The following DNMT1 variants were observed in gnomAD, a reference collection of about 807,000 sequenced individuals.
DNMT1 encodes DNA methyltransferase 1.
Under a neutral mutation model 205.3 loss-of-function variants are expected in DNMT1, and 24 were observed. That is an observed-to-expected ratio of 0.12 (90% CI 0.08 to 0.16). The LOEUF is 0.16. DNMT1 is among the 10% of genes least tolerant of loss of function. The pLI, the probability that DNMT1 is intolerant of heterozygous loss-of-function variation, is 1.00. For missense variants in DNMT1, 1,293 were observed against 2,177.7 expected, an observed-to-expected ratio of 0.59 and a Z score of 8.09; for synonymous variants, 817 against 839.8, an observed-to-expected ratio of 0.97 and a Z score of 0.47.
At chr19:10,162,932 A>G in intron 12 of DNMT1, 184 bp from the exon 13 acceptor site, 1 of 640,524 alleles carries the variant, frequency 1.6e-6, no homozygotes, top group Non-Finnish European at 2.7e-6. Context: ...GGGTCCCCAC[A>G]CATCTACATC....
At chr19:10,149,739 C>T (rs982114151) in intron 25 of DNMT1, 82 bp from the exon 26 acceptor site, 11 of 1,609,372 alleles carry the variant, frequency 6.8e-6, no homozygotes, top group African/African-American at 1.3e-5. Context: ...GAGCACTCGT[C>T]CTTTTCAGTT....
In DNMT1 at chr19:10,140,273, G is replaced by A. The variant is rs1480931153; in HGVS notation, c.3579C>T (p.Phe1193=). ...IEMWDPAAQA[F]RLNNPGSTVF... The stretch of plus-strand genomic sequence containing the variant: ...CTGTGGAGCCGGGGTTGTTCAGCCG[G>A]AACGCCTGGGCCGCAGGGTCCCACA... The change falls in exon 33 of 41, where the codon TTC becomes TTT. Residue 1193 remains phenylalanine, a synonymous_variant. Transcript: ENST00000359526. The surrounding 1 kb of genome is among the most constrained non-coding windows in gnomAD (Gnocchi z 8.4). 6.2e-7 allele frequency: 1 copy of A among 1,614,004 alleles called. No homozygotes were observed. The highest frequency in any genetic ancestry group is 1.7e-5 in the Admixed American group (1 of 60,016).
At position 10,151,971 on chromosome 19, in the gene DNMT1, C is replaced by A. The variant is rs1210060639; in HGVS notation, c.2020-124G>T. The A allele has an allele frequency of 4.6e-6, 4 of 879,082 alleles. No individual in the cohort carries two copies. The highest frequency in any genetic ancestry group is 7.5e-6 in the Non-Finnish European group (4 of 533,864). 54.5% of individuals were successfully genotyped at this position (879,082 alleles called of 1,614,324 possible). On this transcript the variant is annotated intron_variant, in intron 22 of 40. Transcript: ENST00000359526. The surrounding 1 kb of genome is among the most constrained non-coding windows in gnomAD (Gnocchi z 5.0). Reference sequence around the variant, plus strand: ...GGTCAGGAATTGCAGACCAGCCTGGCCAACGTGGTGAAACCCCATCTCTAC... The same window carrying A: ...GGTCAGGAATTGCAGACCAGCCTGGACAACGTGGTGAAACCCCATCTCTAC...
Position 10,154,762 on chromosome 19 carries a change from A to C in DNMT1, c.1656T>G (p.Pro552=). Residue 552 remains proline (P), a synonymous_variant, in exon 21 of 41, where the codon CCT becomes CCG. Transcript: ENST00000359526. This position sits in a 1 kb window ranked among gnomAD's most constrained non-coding sequence, Gnocchi z 6.3. ...DLINKIETTV[P]PSGLNLNRFT... ...AGCGGTTCAAGTTGAGGCCAGAAGG[A>C]GGAACCGTGGTCTTGAAAGAGAACA... 1.2e-6 allele frequency: 2 copies of C among 1,614,234 alleles called. No homozygotes were observed. Among genetic ancestry groups the C allele is most frequent in the Non-Finnish European group, 1.7e-6 (2 of 1,180,050 alleles).
At position 10,140,990 on chromosome 19, in the gene DNMT1, C is replaced by A. The variant is rs1021798119; in HGVS notation, c.3395-81G>T. ...CTCTCAAGCGCCTTGTTAACTCAGG[C>A]GGCCTCGCTGTCCCAGAGTCAGTAA... is the stretch of plus-strand genomic sequence containing the variant. On this transcript the variant is annotated intron_variant, in intron 31 of 40. Coordinates refer to ENST00000359526, the MANE Select transcript of DNMT1 (RefSeq NM_001130823.3). The surrounding 1 kb of genome is among the most constrained non-coding windows in gnomAD (Gnocchi z 8.4). The A allele has an allele frequency of 1.2e-6, 2 of 1,613,236 alleles. No homozygotes were observed. The highest frequency in any genetic ancestry group is 2.7e-5 in the African/African-American group (2 of 74,930).
chr19:10,145,953 C>T (rs769137833), intron 28 of DNMT1, among the ~76,000 whole-genome samples: 1 of 152,092 alleles, frequency 6.6e-6, no homozygotes, highest in Non-Finnish European at 1.5e-5. Context: ...CTCTGCCTCT[C>T]GAGTAGCTGG....
At chr19:10,148,424 A>C (rs2038253143) in intron 27 of DNMT1, among the ~76,000 whole-genome samples, 1 of 151,186 alleles carries the variant, frequency 6.6e-6, no homozygotes, top group Non-Finnish European at 1.5e-5. Flanking sequence ...TGAACCCAGG[A>C]AGCTGAGTTT....
Position 10,180,732 on chromosome 19 carries a change from G to A in DNMT1, c.225+46C>T, listed in dbSNP as rs150891761. On this transcript the variant is annotated intron_variant, in intron 3 of 40. Transcript: ENST00000359526. The stretch of plus-strand genomic sequence containing the variant: ...CTCCCTGGTCACAGACAAGTTACTA[G>A]GAGGAGACATTTTTCTAGAGGCTAG... The A allele has an allele frequency of 6.9e-5, 109 of 1,585,286 alleles. 1 individual carries two copies. Among genetic ancestry groups the A allele is most frequent in the Middle Eastern group, 6.7e-4 (4 of 6,006 alleles).
At chr19:10,150,836 T>A (rs1217248600) in intron 24 of DNMT1, among the ~76,000 whole-genome samples, 1 of 152,120 alleles carries the variant, frequency 6.6e-6, no homozygotes, top group Non-Finnish European at 1.5e-5. Context: ...CTCCTGCCTG[T>A]AATCCCAGCA....
chr19:10,134,685 C>G (rs1405564834), intron 39 of DNMT1, among the ~76,000 whole-genome samples: 1 of 151,994 alleles, frequency 6.6e-6, no homozygotes, highest in Non-Finnish European at 1.5e-5. Context: ...GAAACCCCGT[C>G]TCTACTAAAA....
At chr19:10,194,576 C>G (rs1343015853) in intron 1 of DNMT1, 1 of 484,356 alleles carries the variant, frequency 2.1e-6, no homozygotes, top group Non-Finnish European at 3.6e-6. Context: ...ACCCCCACCC[C>G]GCCTAGTTTC....
At chr19:10,188,444 G>C (rs999422962) in intron 1 of DNMT1, among the ~76,000 whole-genome samples, 1 of 151,930 alleles carries the variant, frequency 6.6e-6, no homozygotes, top group Non-Finnish European at 1.5e-5. Flanking sequence ...AGAGGCTGAG[G>C]CACAAGAATC....
At chr19:10,169,673 G>C (rs1055150393) in intron 9 of DNMT1, among the ~76,000 whole-genome samples, 3 of 152,176 alleles carry the variant, frequency 2.0e-5, no homozygotes, top group African/African-American at 4.8e-5. Context: ...GGCTGAGGCA[G>C]GAGAATGGCG....
chr19:10,193,840 G>A (rs930727361), intron 1 of DNMT1, among the ~76,000 whole-genome samples: 1 of 152,120 alleles, frequency 6.6e-6, no homozygotes, highest in Admixed American at 6.6e-5. Flanking sequence ...TCCACGCCTG[G>A]TGAGGGTTCC....
Position 10,139,899 on chromosome 19 carries a change from G to A in DNMT1, c.3807-82C>T, listed in dbSNP as rs917644572. 5.1e-5 allele frequency: 80 copies of A among 1,565,096 alleles called. 1 individual carries two copies. The highest frequency in any genetic ancestry group is 2.0e-4 in the South Asian group (17 of 86,564). ...ACCCACTGTGCCGGAAGCCCCTCAC[G>A]AATGTTATCAAAGTCTCTCCCTGGT... On this transcript the variant is annotated intron_variant, in intron 33 of 40. Coordinates refer to ENST00000359526, the MANE Select transcript of DNMT1 (RefSeq NM_001130823.3).
Position 10,173,145 on chromosome 19 carries a change from G to C in DNMT1, c.713C>G (p.Pro238Arg). The change falls in exon 9 of 41, where the codon CCT becomes CGT. Residue 238 changes from proline to arginine, a missense_variant. Coordinates refer to ENST00000359526, the MANE Select transcript of DNMT1 (RefSeq NM_001130823.3). ...GCGCGTTCCTGATTTTGCTCTTTCA[G>C]GTTCTTCTGCAGGAAGCGGTCTAGC... ...RVARPLPAEE[P>R]ERAKSGTRTE... 6.2e-7 allele frequency: 1 copy of C among 1,614,046 alleles called. No homozygotes were observed. Among genetic ancestry groups the C allele is most frequent in the East Asian group, 2.2e-5 (1 of 44,882 alleles).
chr19:10,148,232 C>T (rs571927274), intron 27 of DNMT1, among the ~76,000 whole-genome samples: 7 of 150,964 alleles, frequency 4.6e-5, no homozygotes, highest in Middle Eastern at 3.2e-3. Flanking sequence ...TGTGGTGGCT[C>T]ACGCCTGTAA....
rs542079704 is a variant in DNMT1 at position 10,156,671 on chromosome 19, G to A, written c.1281-162C>T. On this transcript the variant is annotated intron_variant, in intron 17 of 40. Coordinates refer to ENST00000359526, the MANE Select transcript of DNMT1 (RefSeq NM_001130823.3). This position sits in a 1 kb window ranked among gnomAD's most constrained non-coding sequence, Gnocchi z 4.2. Reference sequence around the variant, plus strand: ...CTTGCTCTATCCCTCAGGCTGGAGCGCGATGGCATAATCTTGGCTCACTGC... The same window carrying A: ...CTTGCTCTATCCCTCAGGCTGGAGCACGATGGCATAATCTTGGCTCACTGC... Among the ~76,000 whole-genome samples, 33 of 152,218 alleles carry A rather than the reference G, an allele frequency of 2.2e-4. No homozygotes were observed. The highest frequency in any genetic ancestry group is 1.2e-3 in the South Asian group (6 of 4,816).
rs1057452419 is a variant in DNMT1 at position 10,138,425 on chromosome 19, C to T, written c.4115+14G>A. ...TGCTCGGCAGTGTGTGGAGGAGCGA[C>T]GGGGGCCACCTACCTGGTTATGTTG... On this transcript the variant is annotated intron_variant, in intron 35 of 40. Transcript: ENST00000359526. The surrounding 1 kb of genome is among the most constrained non-coding windows in gnomAD (Gnocchi z 4.1). The T allele has an allele frequency of 4.3e-6, 7 of 1,613,862 alleles. No homozygotes were observed. The highest frequency in any genetic ancestry group is 5.1e-6 in the Non-Finnish European group (6 of 1,180,032).
Sources: allele counts gnomAD v4.1 joint callset (sites outside exome capture counted in the v4.1 genomes callset), GRCh38; gene constraint gnomAD v4.1.1; non-coding constraint Gnocchi (gnomAD v3.1); transcripts MANE v1.5; gene names NCBI Gene and HGNC (gene_info 2026-07-23, HGNC 2026-07-21).